Variants in HS2ST1 observed in about 807,000 individuals in gnomAD.
HS2ST1 encodes heparan sulfate 2-O-sulfotransferase 1, also known as 2-O-sulfotransferase.
HS2ST1 carries 18 observed loss-of-function variants against 42.9 expected under a neutral mutation model. The ratio of observed to expected loss-of-function variants is 0.42; its 90% CI spans 0.29 to 0.62. The LOEUF (loss-of-function observed/expected upper bound fraction) is 0.62, where lower values mean the gene tolerates loss of function less well. HS2ST1 is among the 20% of genes least tolerant of loss of function. The probability of loss-of-function intolerance (pLI) is 0.21; values close to 1 mark genes in which losing one functional copy is unlikely to be tolerated. For missense variants in HS2ST1, 334 were observed against 433.8 expected (o/e 0.77, Z 2.04); for synonymous variants, 146 against 152.9 (o/e 0.95, Z 0.33).
chr1:86,936,382 G>A (rs1290192916), intron 1 of HS2ST1, among the ~76,000 whole-genome samples: 3 of 152,008 alleles, frequency 2.0e-5, no homozygotes, highest in South Asian at 2.1e-4. Context: ...CCTAATTTTT[G>A]TATAATAGTC....
intron 1 of HS2ST1, among the ~76,000 whole-genome samples, chr1:86,958,939 A>G (rs1373887673): frequency 6.6e-6 from 1 of 152,232 alleles, no homozygotes; most frequent in East Asian, 1.9e-4. Flanking sequence ...CAACATGTGG[A>G]AATCAATTCA....
intron 1 of HS2ST1, among the ~76,000 whole-genome samples, chr1:87,047,109 T>C (rs999349639): frequency 6.6e-6 from 1 of 152,142 alleles, no homozygotes; most frequent in African/African-American, 2.4e-5. Context: ...TTACTCCACA[T>C]TCTTGACAAG....
intron 1 of HS2ST1, among the ~76,000 whole-genome samples, chr1:86,966,966 A>G (rs1570452704): frequency 6.6e-6 from 1 of 151,292 alleles, no homozygotes; most frequent in East Asian, 1.9e-4. Flanking sequence ...ATCTCAGCTC[A>G]CTGCAACCTC....
intron 1 of HS2ST1, among the ~76,000 whole-genome samples, chr1:87,061,795 T>C (rs939021211): frequency 3.3e-5 from 5 of 152,172 alleles, no homozygotes; most frequent in African/African-American, 1.2e-4. Flanking sequence ...CTGTTTAACT[T>C]TTTTGAGAAA....
intron 1 of HS2ST1, among the ~76,000 whole-genome samples, chr1:87,043,822 A>C (rs937496955): frequency 1.3e-5 from 2 of 151,932 alleles, no homozygotes; most frequent in African/African-American, 4.8e-5. Flanking sequence ...ATGTATAGAA[A>C]TAAATATTTA....
chr1:87,030,263 C>T (rs1650194718), intron 1 of HS2ST1, among the ~76,000 whole-genome samples: 1 of 152,112 alleles, frequency 6.6e-6, no homozygotes, highest in Non-Finnish European at 1.5e-5. Context: ...ATAAAATTAC[C>T]TATCCACTGG....
At chr1:87,067,165 T>G (rs1651274841) in intron 1 of HS2ST1, among the ~76,000 whole-genome samples, 2 of 152,350 alleles carry the variant, frequency 1.3e-5, no homozygotes, top group Non-Finnish European at 2.9e-5. Flanking sequence ...CCACAATGGT[T>G]GAACTAATTT....
intron 1 of HS2ST1, among the ~76,000 whole-genome samples, chr1:87,035,880 G>A (rs1650361511): frequency 6.7e-6 from 1 of 150,270 alleles, no homozygotes; most frequent in Non-Finnish European, 1.5e-5. Context: ...CTGCAGGTTT[G>A]TTACGTTAAG....
At chr1:87,008,307 G>A (rs567874391) in intron 1 of HS2ST1, among the ~76,000 whole-genome samples, 22 of 152,170 alleles carry the variant, frequency 1.4e-4, no homozygotes, top group African/African-American at 5.1e-4. Flanking sequence ...TTCACAACTC[G>A]TTCTTAGGGC....
intron 1 of HS2ST1, among the ~76,000 whole-genome samples, chr1:86,954,361 C>T (rs561580702): frequency 4.4e-4 from 67 of 152,084 alleles, no homozygotes; most frequent in Non-Finnish European, 9.3e-4. Flanking sequence ...AAAAAAAAGG[C>T]AGTATCTGTG....
At chr1:87,013,658 CT>C (rs1373995914) in intron 1 of HS2ST1, among the ~76,000 whole-genome samples, 3 of 152,182 alleles carry the variant, frequency 2.0e-5, no homozygotes, top group South Asian at 2.1e-4. Context: ...ATGGGTTTTT[CT>C]TTTCTATTGC....
intron 1 of HS2ST1, among the ~76,000 whole-genome samples, chr1:86,983,329 A>G (rs922054618): frequency 6.6e-6 from 1 of 152,172 alleles, no homozygotes; most frequent in Non-Finnish European, 1.5e-5. Flanking sequence ...TCAGTTCCAC[A>G]TGGCGGGGGA....
At chr1:86,975,033 G>A (rs956290988) in intron 1 of HS2ST1, among the ~76,000 whole-genome samples, 1 of 152,054 alleles carries the variant, frequency 6.6e-6, no homozygotes, top group African/African-American at 2.4e-5. Context: ...CACAGAACTG[G>A]CTGGATTCTG....
chr1:86,964,230 C>T lies in HS2ST1; in HGVS notation c.124+49070C>T, dbSNP rs535463167. On this transcript the variant is annotated intron_variant, in intron 1 of 6. Coordinates refer to ENST00000370550, the MANE Select transcript of HS2ST1 (RefSeq NM_012262.4). The stretch of plus-strand genomic sequence containing the variant: ...GCAAAGACACTCCTCACTTCCCAGA[C>T]GGGGTGGCGGCCAGGCAGAGGCTGC... Among the ~76,000 whole-genome samples, 54 of 152,164 alleles carry T rather than the reference C, an allele frequency of 3.5e-4. 1 individual carries two copies. The South Asian group carries it at 9.6e-3, about 27-fold the overall frequency.
chr1:86,988,998 A>T (rs1159952427), intron 1 of HS2ST1, among the ~76,000 whole-genome samples: 1 of 152,180 alleles, frequency 6.6e-6, no homozygotes, highest in East Asian at 1.9e-4. Context: ...ACGGTCAAAG[A>T]CACCTTCTGG....
intron 1 of HS2ST1, among the ~76,000 whole-genome samples, chr1:86,963,322 G>A (rs902055745): frequency 6.6e-6 from 1 of 152,178 alleles, no homozygotes; most frequent in African/African-American, 2.4e-5. Flanking sequence ...CGCAGTGTTT[G>A]TGTCCGTGGG....
intron 3 of HS2ST1, among the ~76,000 whole-genome samples, chr1:87,086,989 A>G (rs550774233): frequency 4.6e-5 from 7 of 152,142 alleles, no homozygotes; most frequent in Non-Finnish European, 1.0e-4. Flanking sequence ...AAAATGTCAT[A>G]GTATGCAGGA....
chr1:87,062,957 T>G (rs1651154547), intron 1 of HS2ST1, among the ~76,000 whole-genome samples: 1 of 152,192 alleles, frequency 6.6e-6, no homozygotes, highest in Non-Finnish European at 1.5e-5. Context: ...TTTTCAGAAG[T>G]TTGATTATGA....
In HS2ST1 at chr1:87,016,167, G is replaced by A. The variant is rs143568343; in HGVS notation, c.125-56767G>A. Among the ~76,000 whole-genome samples, 1,312 of 152,248 alleles carry A rather than the reference G, an allele frequency of 8.6e-3. 24 individuals are homozygous for A. The highest frequency in any genetic ancestry group is 0.03 in the African/African-American group (1,237 of 41,566). On this transcript the variant is annotated intron_variant, in intron 1 of 6. Transcript: ENST00000370550. ...GGGGTTTTCGTGTTGTTGTGTGTTT[G>A]CTTGTTTGGTTTTGGTTATTATATC...
Sources: allele counts gnomAD v4.1 joint callset (sites outside exome capture counted in the v4.1 genomes callset), GRCh38; gene constraint gnomAD v4.1.1; transcripts MANE v1.5; gene names NCBI Gene and HGNC (gene_info 2026-07-23, HGNC 2026-07-21).